ZNF736: variants seen among roughly 807,000 people sequenced by gnomAD.
ZNF736 encodes the protein zinc finger protein 736.
In ZNF736, 6 loss-of-function variants were observed where a neutral mutation model predicts 11.7. The ratio of observed to expected loss-of-function variants is 0.51; its 90% CI spans 0.28 to 1.01. The LOEUF (loss-of-function observed/expected upper bound fraction) is 1.01. Among genes scored for constraint, ZNF736 ranks in the 50% least tolerant of loss-of-function variants. The pLI, the probability that ZNF736 is intolerant of heterozygous loss-of-function variation, is 0.09. For synonymous variants in ZNF736, 139 were observed against 164.7 expected (o/e 0.84, Z 1.19); for missense variants, 444 against 496.0 (o/e 0.90, Z 1.00).
chr7:64,319,333 GTATATA>G (rs71060585), intron 1 of ZNF736, among the ~76,000 whole-genome samples: 2,934 of 71,506 alleles, frequency 0.041, 175 homozygotes, highest in East Asian at 0.082. Flanking sequence ...GTGTGTATGT[GTATATA>G]TATATATATA....
rs1789489387 is a variant in ZNF736, at chr7:64,351,545, G to A, written c.*2398G>A. ...GTGGCCAGACTGGGTCCCTGGGAGA[G>A]GCCAGCAGACCAAGGAGTGCTCAGT... is the stretch of plus-strand genomic sequence containing the variant. On this transcript the variant is annotated 3_prime_UTR_variant, in exon 4 of 4. Coordinates refer to ENST00000423484, the MANE Select transcript of ZNF736 (RefSeq NM_001170905.3). 1 of 152,302 alleles carries A rather than the reference G, an allele frequency of 6.6e-6. No individual in the cohort carries two copies. Among genetic ancestry groups the A allele is most frequent in the African/African-American group, 2.4e-5 (1 of 41,454 alleles). 9.4% of individuals were successfully genotyped at this position (152,302 alleles called of 1,614,324 possible).
At chr7:64,342,634 TTATATA>T (rs1266194272) in intron 3 of ZNF736, among the ~76,000 whole-genome samples, 1 of 152,088 alleles carries the variant, frequency 6.6e-6, no homozygotes, top group African/African-American at 2.4e-5. Flanking sequence ...GGGCTGTGTC[TTATATA>T]TATGTTTTTC....
rs186597971 is a variant in ZNF736, at chr7:64,356,370, T to C, written c.*7223T>C. Reference sequence around the variant, plus strand: ...TTCAGAATGTCACTTTCATAGATACTATGAATATCAATTGTCAAGTGTGTT... The same window carrying C: ...TTCAGAATGTCACTTTCATAGATACCATGAATATCAATTGTCAAGTGTGTT... On this transcript the variant is annotated 3_prime_UTR_variant, in exon 4 of 4. Transcript: ENST00000423484. 6.6e-6 allele frequency among the ~76,000 whole-genome samples: 1 copy of C among 152,318 alleles called. No individual in the cohort carries two copies. Among genetic ancestry groups the C allele is most frequent in the East Asian group, 1.9e-4 (1 of 5,186 alleles).
rs767568611 is a variant in ZNF736, at chr7:64,349,027, G to T, written c.1164G>T (p.Lys388Asn). The stretch of plus-strand genomic sequence containing the variant: ...GCTTCTCAGACCTGACTAATCATAA[G>T]AGAATTCACACTGGAGAGAAACCCT... ...FKCFSDLTNH[K>N]RIHTGEKPYK... The change falls in exon 4 of 4, where the codon AAG becomes AAT. Residue 388 changes from lysine (K) to asparagine (N), a missense_variant. Lys to Asn is a moderately conservative substitution (Grantham distance 94, BLOSUM62 0). Transcript: ENST00000423484. 5 of 1,603,974 alleles carry T rather than the reference G, an allele frequency of 3.1e-6. No individual in the cohort carries two copies. The highest frequency in any genetic ancestry group is 2.3e-5 in the East Asian group (1 of 44,214).
intron 3 of ZNF736, among the ~76,000 whole-genome samples, chr7:64,343,137 C>T (rs1047353329): frequency 4.6e-5 from 7 of 152,044 alleles, no homozygotes; most frequent in African/African-American, 1.4e-4. Flanking sequence ...TTATTGTCTT[C>T]AACAGCAATG....
chr7:64,323,536 A>G (rs1284319150), intron 1 of ZNF736, among the ~76,000 whole-genome samples: 1 of 152,210 alleles, frequency 6.6e-6, no homozygotes, highest in African/African-American at 2.4e-5. Flanking sequence ...GTAGGTATAT[A>G]CCATGGAATA....
intron 3 of ZNF736, among the ~76,000 whole-genome samples, chr7:64,344,650 A>T (rs1463673681): frequency 1.3e-5 from 2 of 152,180 alleles, no homozygotes; most frequent in Non-Finnish European, 2.9e-5. Flanking sequence ...GCTGATTAAT[A>T]TTCCCTTTTT....
intron 3 of ZNF736, among the ~76,000 whole-genome samples, chr7:64,342,786 TAA>T (rs1203373068): frequency 6.6e-6 from 1 of 152,120 alleles, no homozygotes; most frequent in Non-Finnish European, 1.5e-5. Context: ...GATTTATGTT[TAA>T]GTTTACTGCA....
chr7:64,338,578 G>A (rs1385058439), intron 3 of ZNF736, among the ~76,000 whole-genome samples: 1 of 152,074 alleles, frequency 6.6e-6, no homozygotes, highest in Non-Finnish European at 1.5e-5. Context: ...ATTCTCCATA[G>A]AAGTGAGATC....
In ZNF736 at chr7:64,348,457, G is replaced by A; in HGVS notation, c.594G>A (p.Glu198=). 6.5e-7 allele frequency: 1 copy of A among 1,547,174 alleles called. No homozygotes were observed. Among genetic ancestry groups the A allele is most frequent in the East Asian group, 2.5e-5 (1 of 40,682 alleles). The change falls in exon 4 of 4, where the codon GAG becomes GAA. Residue 198 remains glutamate, a synonymous_variant. Coordinates refer to ENST00000423484, the MANE Select transcript of ZNF736 (RefSeq NM_001170905.3). ...FTRHKKIHTV[E]RCYKCEECGK... ...GACATAAGAAAATTCATACTGTAGA[G>A]AGATGCTACAAATGTGAAGAATGTG...
At chr7:64,338,456 T>G (rs576295120) in intron 3 of ZNF736, among the ~76,000 whole-genome samples, 1 of 152,332 alleles carries the variant, frequency 6.6e-6, no homozygotes, top group African/African-American at 2.4e-5. Flanking sequence ...ATAACTTGTT[T>G]GTCTTTTAAC....
At position 64,337,755 on chromosome 7, in the gene ZNF736, G is replaced by GTTTTTTTTTTTTTTTT. The variant is rs147991832; in HGVS notation, c.226+773_226+774insTTTTTTTTTTTTTTTT. Among the ~76,000 whole-genome samples the GTTTTTTTTTTTTTTTT allele has an allele frequency of 3.2e-4, 28 of 86,218 alleles. 1 individual carries two copies. Among genetic ancestry groups the GTTTTTTTTTTTTTTTT allele is most frequent in the South Asian group, 6.4e-4 (2 of 3,110 alleles). The allele number at this position is 86,218 out of a possible 152,430, so 56.6% of individuals were successfully genotyped here. On this transcript the variant is annotated intron_variant, in intron 3 of 3. Coordinates refer to ENST00000423484, the MANE Select transcript of ZNF736 (RefSeq NM_001170905.3). ...TGTTTTGTTTTGTTTTGTTTTTTTT[G>GTTTTTTTTTTTTTTTT]GTTTTTTTTTTTTTTTGAGACAGAG...
chr7:64,345,732 TAAAAAAAA>T (rs60388880), intron 3 of ZNF736, among the ~76,000 whole-genome samples: 1 of 82,872 alleles, frequency 1.2e-5, no homozygotes, highest in Non-Finnish European at 2.2e-5. Context: ...TACTCCATCT[TAAAAAAAA>T]AAAAAAAAAA....
intron 3 of ZNF736, among the ~76,000 whole-genome samples, chr7:64,339,634 A>T (rs1044203145): frequency 1.3e-5 from 2 of 150,812 alleles, no homozygotes; most frequent in African/African-American, 4.8e-5. Context: ...ATCCTGCTCC[A>T]CTGATATCGG....
Position 64,314,162 on chromosome 7 carries a change from G to A in ZNF736, c.3+9G>A, listed in dbSNP as rs1338570761. The A allele has an allele frequency of 1.3e-6, 2 of 1,552,042 alleles. No homozygotes were observed. The highest frequency in any genetic ancestry group is 1.4e-5 in the African/African-American group (1 of 73,170). On this transcript the variant is annotated intron_variant, in intron 1 of 3. Coordinates refer to ENST00000423484, the MANE Select transcript of ZNF736 (RefSeq NM_001170905.3). ...CTGGAGGCTGGGAAATGGTGAGTGC[G>A]TGGAGTGGGTGTCCCGAGAATGGGG...
intron 1 of ZNF736, among the ~76,000 whole-genome samples, chr7:64,319,512 T>C (rs1788973279): frequency 8.0e-6 from 1 of 124,316 alleles, no homozygotes; most frequent in Non-Finnish European, 1.7e-5. Flanking sequence ...TTTTTTTTTT[T>C]TGAGACAGAG....
chr7:64,325,205 A>G (rs1196901574), intron 1 of ZNF736, among the ~76,000 whole-genome samples: 1 of 152,204 alleles, frequency 6.6e-6, no homozygotes, highest in Non-Finnish European at 1.5e-5. Context: ...ATTGTAACCA[A>G]TTAATTTTTT....
chr7:64,345,858 C>A (rs543617557), intron 3 of ZNF736, among the ~76,000 whole-genome samples: 32 of 150,490 alleles, frequency 2.1e-4, no homozygotes, highest in African/African-American at 7.6e-4. Flanking sequence ...CGTAAAATTT[C>A]AATTAAAAAA....
intron 1 of ZNF736, among the ~76,000 whole-genome samples, chr7:64,314,712 G>A (rs1258046147): frequency 6.6e-6 from 1 of 152,108 alleles, no homozygotes; most frequent in Non-Finnish European, 1.5e-5. Flanking sequence ...CTAGAGGGGT[G>A]CGCCACCACG....
Sources: allele counts gnomAD v4.1 joint callset (sites outside exome capture counted in the v4.1 genomes callset), GRCh38; gene constraint gnomAD v4.1.1; transcripts MANE v1.5; gene names NCBI Gene and HGNC (gene_info 2026-07-23, HGNC 2026-07-21).